The following TLE4 variants were observed in gnomAD, a reference collection of about 807,000 sequenced individuals.
The protein encoded by TLE4 is TLE family member 4, transcriptional corepressor, also known as transducin-like enhancer protein 4.
Under a neutral mutation model 92.8 loss-of-function variants are expected in TLE4, and 8 were observed. That is an observed-to-expected ratio of 0.09 (90% CI 0.05 to 0.16). The LOEUF is 0.16. Ranked by LOEUF, TLE4 falls within the 10% of genes least tolerant of loss-of-function variation. The pLI, the probability that TLE4 is intolerant of heterozygous loss-of-function variation, is 1.00. For synonymous variants in TLE4, 371 were observed against 374.1 expected (o/e 0.99, Z 0.10); for missense variants, 675 against 997.6 (o/e 0.68, Z 4.36).
chr9:79,707,051 ATGT>A, intron 11 of TLE4, 152 bp downstream of exon 11: 5 of 1,579,668 alleles, frequency 3.2e-6, no homozygotes, highest in Non-Finnish European at 4.3e-6. Context: ...TGGCAAAAGT[ATGT>A]AGAGCAGAAT....
chr9:79,588,228 A>G (rs890324842), intron 4 of TLE4, among the ~76,000 whole-genome samples: 9 of 149,840 alleles, frequency 6.0e-5, no homozygotes, highest in African/African-American at 2.2e-4. Flanking sequence ...GCTCATTGTG[A>G]TCTCCGCCTC....
chr9:79,681,023 T>G (rs899076971), intron 8 of TLE4, among the ~76,000 whole-genome samples: 2 of 152,038 alleles, frequency 1.3e-5, no homozygotes, highest in Non-Finnish European at 2.9e-5. Flanking sequence ...GCTGGATTCG[T>G]TTTGCCAGTA....
chr9:79,700,147 C>T (rs192436421), intron 8 of TLE4, among the ~76,000 whole-genome samples: 1 of 152,138 alleles, frequency 6.6e-6, no homozygotes, highest in Non-Finnish European at 1.5e-5. Context: ...TCTTGGTCTT[C>T]AAAGCAGCCC....
At chr9:79,721,579 G>C (rs1054695083) in intron 16 of TLE4, among the ~76,000 whole-genome samples, 162 bp from the exon 17 acceptor site, 2 of 152,092 alleles carry the variant, frequency 1.3e-5, no homozygotes, top group East Asian at 3.8e-4. Flanking sequence ...GCATCTCTTT[G>C]TATATGCTTT....
Position 79,725,065 on chromosome 9 carries a change from G to C in TLE4, c.2243G>C (p.Cys748Ser). The change falls in exon 20 of 20, where the codon TGT becomes TCT. Residue 748 changes from cysteine to serine, a missense_variant. This residue lies in a region of TLE4 where 170 missense variants were observed against 359.6 expected (regional missense o/e 0.47). Transcript: ENST00000376552. Reference protein sequence around the residue: ...QSKESSSVLSCDISVDDKYIV... With the variant: ...QSKESSSVLSSDISVDDKYIV... ...AAAGAATCCTCATCGGTGCTTAGCT[G>C]TGACATCTCCGTGGACGACAAATAC... 6.2e-7 allele frequency: 1 copy of C among 1,613,760 alleles called. No individual in the cohort carries two copies. The highest frequency in any genetic ancestry group is 8.5e-7 in the Non-Finnish European group (1 of 1,179,834).
At chr9:79,651,649 C>T (rs1218943199) in intron 6 of TLE4, among the ~76,000 whole-genome samples, 1 of 152,146 alleles carries the variant, frequency 6.6e-6, no homozygotes, top group Non-Finnish European at 1.5e-5. Context: ...CATTATTGAG[C>T]AAGCCTACAG....
intron 8 of TLE4, among the ~76,000 whole-genome samples, chr9:79,686,665 G>A (rs1390032880): frequency 1.3e-5 from 2 of 152,242 alleles, no homozygotes. Context: ...GCAACCACCA[G>A]AAGCTGGAAG....
In TLE4 at chr9:79,631,789, C is replaced by T. The variant is rs779672102; in HGVS notation, c.390+4341C>T. ...TTTCAAAGGCATTTGGATGAGCCAC[C>T]GTGGTCATTTTCCTTGTATTCTTTT... On this transcript the variant is annotated intron_variant, in intron 6 of 19. Transcript: ENST00000376552. Among the ~76,000 whole-genome samples, 8 of 151,468 alleles carry T rather than the reference C, an allele frequency of 5.3e-5. No individual in the cohort carries two copies. In the East Asian group the frequency reaches 1.2e-3, roughly 22 times the overall value.
At chr9:79,575,192 G>GA (rs906101369) in intron 3 of TLE4, among the ~76,000 whole-genome samples, 4 of 151,220 alleles carry the variant, frequency 2.6e-5, no homozygotes, top group African/African-American at 7.3e-5. Flanking sequence ...TTTACAGATC[G>GA]AAAAAAAATA....
At chr9:79,672,157 G>A (rs746714404) in intron 8 of TLE4, among the ~76,000 whole-genome samples, 1 of 151,760 alleles carries the variant, frequency 6.6e-6, no homozygotes, top group Admixed American at 6.6e-5. Context: ...TGGAAATTCA[G>A]CTTGCTCAAA....
intron 4 of TLE4, among the ~76,000 whole-genome samples, chr9:79,603,047 C>T (rs1411057670): frequency 1.3e-5 from 2 of 152,078 alleles, no homozygotes; most frequent in Non-Finnish European, 2.9e-5. Context: ...GCTGCAATCT[C>T]ATGATAAAAC....
intron 8 of TLE4, among the ~76,000 whole-genome samples, chr9:79,658,453 T>C (rs1304346310): frequency 6.6e-6 from 1 of 152,254 alleles, no homozygotes; most frequent in African/African-American, 2.4e-5. Flanking sequence ...CAATGCATTT[T>C]TATTCTGCCG....
intron 8 of TLE4, among the ~76,000 whole-genome samples, chr9:79,688,635 G>A (rs1402271837): frequency 6.6e-6 from 1 of 151,522 alleles, no homozygotes; most frequent in Non-Finnish European, 1.5e-5. Flanking sequence ...AGGCTTTGAT[G>A]TTTATACGAT....
intron 8 of TLE4, chr9:79,693,744 A>T: frequency 1.5e-5 from 7 of 460,938 alleles, no homozygotes; most frequent in Admixed American, 7.4e-5. Context: ...AAAGTGCATC[A>T]TGTCCTTCGA....
intron 6 of TLE4, among the ~76,000 whole-genome samples, chr9:79,650,680 T>C (rs1201626715): frequency 6.6e-6 from 1 of 152,152 alleles, no homozygotes; most frequent in African/African-American, 2.4e-5. Context: ...ATCTCAAAAC[T>C]ACCCAGTTAA....
chr9:79,714,616 T>C (rs944445597), intron 14 of TLE4, among the ~76,000 whole-genome samples: 2 of 152,260 alleles, frequency 1.3e-5, no homozygotes, highest in African/African-American at 4.8e-5. Flanking sequence ...ACATAAACTT[T>C]CTTTCCTTTT....
intron 8 of TLE4, among the ~76,000 whole-genome samples, chr9:79,691,102 C>A (rs2066987594): frequency 6.6e-6 from 1 of 152,146 alleles, no homozygotes; most frequent in Non-Finnish European, 1.5e-5. Flanking sequence ...GATTCATCCT[C>A]TTCCCCCTTC....
intron 8 of TLE4, among the ~76,000 whole-genome samples, chr9:79,691,529 C>G (rs917282673): frequency 7.9e-5 from 12 of 152,130 alleles, no homozygotes; most frequent in Admixed American, 3.3e-4. Context: ...AAAACACACA[C>G]CTCACCGTGT....
chr9:79,688,411 G>A (rs4877501), intron 8 of TLE4, among the ~76,000 whole-genome samples: 80,701 of 151,808 alleles, frequency 0.53, 24,130 homozygotes, highest in East Asian at 0.74. Context: ...TTTATGTGGC[G>A]TTCTTGGGCA....
Sources: allele counts gnomAD v4.1 joint callset (sites outside exome capture counted in the v4.1 genomes callset), GRCh38; gene constraint gnomAD v4.1.1; regional missense constraint gnomAD v4.1.1; transcripts MANE v1.5; gene names NCBI Gene and HGNC (gene_info 2026-07-23, HGNC 2026-07-21).